The following ELAPOR2 variants were observed in gnomAD, a reference collection of about 807,000 sequenced individuals.
ELAPOR2 encodes the protein endosome/lysosome-associated apoptosis and autophagy regulator family member 2.
In ELAPOR2, 89 loss-of-function variants were observed where a neutral mutation model predicts 120.7. That is an observed-to-expected ratio of 0.74 (90% confidence interval 0.62 to 0.88). The LOEUF (loss-of-function observed/expected upper bound fraction) is 0.88, where lower values mean the gene tolerates loss of function less well. ELAPOR2 is among the 40% of genes least tolerant of loss of function. The probability of loss-of-function intolerance (pLI) is 0.00; values close to 1 mark genes in which losing one functional copy is unlikely to be tolerated. For missense variants in ELAPOR2, 1,134 were observed against 1,251.6 expected (o/e 0.91, Z 1.42); for synonymous variants, 444 against 444.9 (o/e 1.00, Z 0.03).
intron 4 of ELAPOR2, among the ~76,000 whole-genome samples, chr7:86,942,872 A>G (rs990666004): frequency 1.3e-5 from 2 of 151,964 alleles, no homozygotes; most frequent in African/African-American, 2.4e-5. Flanking sequence ...ATTCCCACCA[A>G]AAGAAATGGT....
At chr7:87,031,948 C>T (rs1019590051) in intron 1 of ELAPOR2, among the ~76,000 whole-genome samples, 5 of 152,042 alleles carry the variant, frequency 3.3e-5, no homozygotes, top group African/African-American at 1.2e-4. Flanking sequence ...AGAGTACATG[C>T]CATACAATTC....
At chr7:86,939,575 T>A (rs1407821690) in intron 6 of ELAPOR2, among the ~76,000 whole-genome samples, 1 of 152,076 alleles carries the variant, frequency 6.6e-6, no homozygotes, top group Admixed American at 6.6e-5. Flanking sequence ...AATTACCCGG[T>A]TGGCTCAGAG....
chr7:87,049,186 A>C (rs1381861961), intron 1 of ELAPOR2, among the ~76,000 whole-genome samples: 1 of 152,276 alleles, frequency 6.6e-6, no homozygotes, highest in Non-Finnish European at 1.5e-5. Context: ...CCAAATAAAT[A>C]ATTAAAATAT....
chr7:87,022,015 T>C (rs937001330), intron 1 of ELAPOR2, among the ~76,000 whole-genome samples: 1 of 152,042 alleles, frequency 6.6e-6, no homozygotes, highest in Non-Finnish European at 1.5e-5. Flanking sequence ...TTCAAATGAG[T>C]AAATAAGGCC....
chr7:86,990,946 G>A (rs1792924357), intron 1 of ELAPOR2, among the ~76,000 whole-genome samples: 1 of 152,188 alleles, frequency 6.6e-6, no homozygotes. Flanking sequence ...AAGCAGGTCT[G>A]TCAAAGGAAA....
In ELAPOR2 at chr7:86,893,048, A is replaced by C; in HGVS notation, c.2738T>G (p.Leu913Trp). 6.3e-7 allele frequency: 1 copy of C among 1,577,440 alleles called. No homozygotes were observed. The highest frequency in any genetic ancestry group is 8.6e-7 in the Non-Finnish European group (1 of 1,166,568). ...ACAGGTTGCCAACTTTTTCTCAGGC[A>C]AAGAAATTCCTTTAATGCACCATTT... ...EPKWCIKGIS[L>W]PEKKLATCET... Residue 913 changes from leucine (L) to tryptophan (W), a missense_variant, in exon 20 of 22, where the codon TTG (leucine) becomes TGG (tryptophan). Leu to Trp is a moderately conservative substitution (Grantham distance 61). This residue lies in a region of ELAPOR2 where 831 missense variants were observed against 867.6 expected (regional missense o/e 0.96). Coordinates refer to ENST00000450689, the MANE Select transcript of ELAPOR2 (RefSeq NM_001142749.3).
chr7:87,040,316 C>A (rs1247036722), intron 1 of ELAPOR2, among the ~76,000 whole-genome samples: 1 of 152,252 alleles, frequency 6.6e-6, no homozygotes, highest in Admixed American at 6.5e-5. Flanking sequence ...CCTCTGGGGG[C>A]AGGGCACAGA....
rs771850200 is a variant in ELAPOR2 at position 87,046,815 on chromosome 7, C to T, written c.189+12510G>A. On this transcript the variant is annotated intron_variant, in intron 1 of 21. Coordinates refer to ENST00000450689, the MANE Select transcript of ELAPOR2 (RefSeq NM_001142749.3). The stretch of plus-strand genomic sequence containing the variant: ...ATGTGGAGCTGTGAGTCAATTAAAC[C>T]TCTTTCCTTTATAAATTACCCAGTC... 2.4e-4 allele frequency among the ~76,000 whole-genome samples: 36 copies of T among 152,294 alleles called. No homozygotes were observed. In the Middle Eastern group the frequency reaches 0.017, roughly 72 times the overall value.
intron 1 of ELAPOR2, among the ~76,000 whole-genome samples, chr7:86,993,234 C>CAAAAAAAAAAAAAAAAAAA (rs1159917841): frequency 1.8e-5 from 1 of 57,140 alleles, no homozygotes; most frequent in Non-Finnish European, 3.6e-5. Context: ...GACTCCATCT[C>CAAAAAAAAAAAAAAAAAAA]AAAAAAAAAA....
chr7:86,948,039 C>A, intron 2 of ELAPOR2, 117 bp from the exon 3 acceptor site: 1 of 699,834 alleles, frequency 1.4e-6, no homozygotes, highest in Admixed American at 2.8e-5. Context: ...CAAACGAAAG[C>A]CTTTCAAATT....
chr7:87,032,587 G>A (rs988149541), intron 1 of ELAPOR2, among the ~76,000 whole-genome samples: 2 of 152,076 alleles, frequency 1.3e-5, no homozygotes, highest in Admixed American at 6.6e-5. Flanking sequence ...ACCTCTTCAC[G>A]TACATCCTTC....
At chr7:86,998,289 T>C (rs74425439) in intron 1 of ELAPOR2, among the ~76,000 whole-genome samples, 48 of 152,302 alleles carry the variant, frequency 3.2e-4, no homozygotes, top group Middle Eastern at 3.4e-3. Flanking sequence ...ACCCTTCCTT[T>C]AGCATTTAAA....
At position 86,897,586 on chromosome 7, in the gene ELAPOR2, A is replaced by G. The variant is rs758544995; in HGVS notation, c.2605T>C (p.Trp869Arg). Residue 869 changes from tryptophan to arginine, a missense_variant, in exon 19 of 22, where the codon TGG (tryptophan) becomes CGG (arginine). By Grantham distance (101) the Trp-to-Arg change is moderately radical (BLOSUM62 -3). Transcript: ENST00000450689. ...AGAGGGCAAGCTTCAGCACTCTCCC[A>G]CAGGAAATAGAACGTACACCCATCA... is the stretch of plus-strand genomic sequence containing the variant. The part of the protein sequence containing the change: ...TCDGCTFYFL[W>R]ESAEACPLCT... 1.2e-6 allele frequency: 2 copies of G among 1,613,356 alleles called. No individual in the cohort carries two copies. The highest frequency in any genetic ancestry group is 1.7e-5 in the Admixed American group (1 of 59,938).
chr7:86,887,169 A>T (rs1799730671), intron 21 of ELAPOR2, among the ~76,000 whole-genome samples: 2 of 152,086 alleles, frequency 1.3e-5, no homozygotes, highest in South Asian at 4.1e-4. Flanking sequence ...AATATGTGTC[A>T]CTCATGTAGA....
At chr7:86,942,526 T>A (rs529127428) in intron 4 of ELAPOR2, among the ~76,000 whole-genome samples, 1 of 152,204 alleles carries the variant, frequency 6.6e-6, no homozygotes, top group Non-Finnish European at 1.5e-5. Context: ...TTTGCAGCAG[T>A]AAAATTTTAA....
chr7:87,000,602 C>G (rs1793286628), intron 1 of ELAPOR2, among the ~76,000 whole-genome samples: 1 of 152,144 alleles, frequency 6.6e-6, no homozygotes, highest in Non-Finnish European at 1.5e-5. Flanking sequence ...AGTGCCAGCT[C>G]CACTCCATGT....
chr7:87,032,247 C>A (rs979420755), intron 1 of ELAPOR2, among the ~76,000 whole-genome samples: 5 of 152,092 alleles, frequency 3.3e-5, no homozygotes, highest in African/African-American at 1.2e-4. Flanking sequence ...TATAAAATGT[C>A]TGAATATCAC....
At chr7:86,990,339 G>A (rs977564549) in intron 1 of ELAPOR2, among the ~76,000 whole-genome samples, 21 of 136,742 alleles carry the variant, frequency 1.5e-4, no homozygotes, top group Non-Finnish European at 1.6e-5. Context: ...TGAGCCAGGC[G>A]GGTTCTGCGC....
At chr7:86,946,544 G>T (rs1035267779) in intron 3 of ELAPOR2, among the ~76,000 whole-genome samples, 2 of 151,918 alleles carry the variant, frequency 1.3e-5, no homozygotes, top group Admixed American at 1.3e-4. Flanking sequence ...CTGCCACCAC[G>T]CCAGGCTAAT....
Sources: gnomAD v4.1 joint callset for allele counts (sites outside exome capture counted in the v4.1 genomes callset) on GRCh38, gnomAD v4.1.1 for gene constraint, gnomAD v4.1.1 regional missense constraint, MANE v1.5 for transcripts, NCBI Gene and HGNC (gene_info 2026-07-23, HGNC 2026-07-21) for gene names.